Variants in EXOSC5 observed in about 807,000 individuals in gnomAD.
The protein encoded by EXOSC5 is exosome component 5, also known as exosome complex component RRP46.
Under a neutral mutation model 23.7 loss-of-function variants are expected in EXOSC5, and 15 were observed. The ratio of observed to expected loss-of-function variants is 0.63; its 90% confidence interval spans 0.42 to 0.97. The LOEUF (loss-of-function observed/expected upper bound fraction) is 0.97. EXOSC5 is among the 50% of genes least tolerant of loss of function. The pLI is 0.00. For missense variants in EXOSC5, 305 were observed against 316.3 expected, an observed-to-expected ratio of 0.96 and a Z score of 0.27; for synonymous variants, 143 against 140.9, an observed-to-expected ratio of 1.02 and a Z score of -0.11.
intron 4 of EXOSC5, 82 bp from the exon 5 acceptor site, chr19:41,387,685 C>G (rs1273243022): frequency 2.0e-6 from 2 of 1,009,884 alleles, no homozygotes; most frequent in Non-Finnish European, 1.4e-6. Flanking sequence ...TGGCCAGGCA[C>G]AGTGGCTCAT....
At chr19:41,389,943 T>C in intron 3 of EXOSC5, 38 bp from the exon 4 acceptor site, 1 of 1,560,388 alleles carries the variant, frequency 6.4e-7, no homozygotes. Flanking sequence ...TCTTTTTTTT[T>C]TTTTTGGAGA....
At chr19:41,396,432 A>G (rs1322703327) in intron 1 of EXOSC5, among the ~76,000 whole-genome samples, 2 of 151,830 alleles carry the variant, frequency 1.3e-5, no homozygotes, top group African/African-American at 4.8e-5. Flanking sequence ...CTGGTCTCGA[A>G]CTCCTGACCT....
At chr19:41,390,830 C>T (rs2039018034) in intron 3 of EXOSC5, among the ~76,000 whole-genome samples, 1 of 152,218 alleles carries the variant, frequency 6.6e-6, no homozygotes, top group African/African-American at 2.4e-5. Flanking sequence ...CTCTGGGCTT[C>T]ACTTTCCACT....
At position 41,386,856 on chromosome 19, in the gene EXOSC5, G is replaced by A. The variant is rs2038988849; in HGVS notation, c.616-131C>T. ...CATCACTCCCCTGCCCCCAAGTGAG[G>A]CAAGTGGTAAGGGATTATTTCCCAT... On this transcript the variant is annotated intron_variant, in intron 5 of 5. Coordinates refer to ENST00000221233, the MANE Select transcript of EXOSC5 (RefSeq NM_020158.4). The A allele has an allele frequency of 3.8e-5, 26 of 679,922 alleles. No homozygotes were observed. The South Asian group carries it at 4.6e-4, about 12-fold the overall frequency. The allele number at this position is 679,922 out of a possible 1,614,324, so 42.1% of individuals were successfully genotyped here. A position where few individuals can be genotyped will look rare whatever the true frequency, so the allele number is the denominator to read the frequency against.
rs148302120 is a variant in EXOSC5, at chr19:41,394,290, A to G, written c.149-1310T>C. ...CTACTTGGGAGGCCGACGCAGGAGA[A>G]TTGCTGGAACCGGGGAGGCGGAGGT... is the stretch of plus-strand genomic sequence containing the variant. On this transcript the variant is annotated intron_variant, in intron 1 of 5. Coordinates refer to ENST00000221233, the MANE Select transcript of EXOSC5 (RefSeq NM_020158.4). Among the ~76,000 whole-genome samples the G allele has an allele frequency of 5.2e-3, 785 of 152,090 alleles. 11 individuals are homozygous for G. The highest frequency in any genetic ancestry group is 0.018 in the African/African-American group (740 of 41,504).
chr19:41,389,337 C>T (rs1188593329), intron 4 of EXOSC5, among the ~76,000 whole-genome samples: 1 of 152,148 alleles, frequency 6.6e-6, no homozygotes, highest in Non-Finnish European at 1.5e-5. Flanking sequence ...GCGATCTCGG[C>T]TCACCACAAC....
rs1289007563 is a variant in EXOSC5, at chr19:41,387,393, T to C, written c.615+121A>G. ...CCACAAAGTTTGAAAACTCCCTTTT[T>C]ACAAGAAGAAATTTAAGAGGCTCTC... On this transcript the variant is annotated intron_variant, in intron 5 of 5. Transcript: ENST00000221233. The C allele has an allele frequency of 3.7e-6, 3 of 813,946 alleles. No individual in the cohort carries two copies. In the East Asian group the frequency reaches 9.4e-5, roughly 26 times the overall value. The allele number at this position is 813,946 out of a possible 1,614,324, so 50.4% of individuals were successfully genotyped here.
chr19:41,389,970 T>C, intron 3 of EXOSC5, 65 bp from the exon 4 acceptor site: 3 of 1,509,936 alleles, frequency 2.0e-6, no homozygotes, highest in South Asian at 1.3e-5. Flanking sequence ...TTCGCTCTTG[T>C]TGCCCAGGCT....
intron 4 of EXOSC5, 82 bp from the exon 5 acceptor site, chr19:41,387,685 C>T (rs1273243022): frequency 9.9e-7 from 1 of 1,009,996 alleles, no homozygotes; most frequent in African/African-American, 1.7e-5. Flanking sequence ...TGGCCAGGCA[C>T]AGTGGCTCAT....
rs1483660260 is a variant in EXOSC5, at chr19:41,391,837, A to T, written c.384+4T>A. 6.6e-7 allele frequency: 1 copy of T among 1,508,962 alleles called. No individual in the cohort carries two copies. The highest frequency in any genetic ancestry group is 2.7e-5 in the Admixed American group (1 of 37,706). 93.5% of individuals were successfully genotyped at this position (1,508,962 alleles called of 1,614,324 possible). ...TGGAGGAGGAGGCCTGGCAGAAAGG[A>T]TACAGAGCCGGCATCGCTGACAACC... On this transcript the variant is annotated splice_donor_region_variant and intron_variant, in intron 3 of 5. Coordinates refer to ENST00000221233, the MANE Select transcript of EXOSC5 (RefSeq NM_020158.4).
At chr19:41,391,214 A>AATT in intron 3 of EXOSC5, among the ~76,000 whole-genome samples, 1 of 152,216 alleles carries the variant, frequency 6.6e-6, no homozygotes, top group South Asian at 2.1e-4. Flanking sequence ...AAAATACAAA[A>AATT]ATTAGCCTGG....
In EXOSC5 at chr19:41,391,859, A is replaced by G. The variant is rs747858805; in HGVS notation, c.366T>C (p.Val122=). 2.2e-5 allele frequency: 34 copies of G among 1,528,010 alleles called. 1 individual carries two copies. In the South Asian group the frequency reaches 4.2e-4, roughly 19 times the overall value. The allele number at this position is 1,528,010 out of a possible 1,614,324, so 94.7% of individuals were successfully genotyped here. A position where few individuals can be genotyped will look rare whatever the true frequency, so the allele number is the denominator to read the frequency against. ...AGGATACAGAGCCGGCATCGCTGAC[A>G]ACCTGCAGCACCACGGTGATGGAGG... The part of the protein sequence containing the change: ...PRTSITVVLQ[V]VSDAGSLLAC... Residue 122 remains valine (V), a synonymous_variant, in exon 3 of 6, where the codon GTT becomes GTC. Transcript: ENST00000221233.
chr19:41,391,857 A>G lies in EXOSC5; in HGVS notation c.368T>C (p.Val123Ala), dbSNP rs201243873. Residue 123 changes from valine (V) to alanine (A), a missense_variant, in exon 3 of 6, where the codon GTC becomes GCC. Physicochemically the swap from Val to Ala is moderately conservative, Grantham distance 64. Coordinates refer to ENST00000221233, the MANE Select transcript of EXOSC5 (RefSeq NM_020158.4). ...RTSITVVLQV[V>A]SDAGSLLACC... is the part of the protein sequence containing the mutation. ...AAAGGATACAGAGCCGGCATCGCTG[A>G]CAACCTGCAGCACCACGGTGATGGA... 8 of 1,526,996 alleles carry G rather than the reference A, an allele frequency of 5.2e-6. No homozygotes were observed. Among genetic ancestry groups the G allele is most frequent in the East Asian group, 5.2e-5 (2 of 38,154 alleles). 94.6% of individuals were successfully genotyped at this position (1,526,996 alleles called of 1,614,324 possible).
At chr19:41,395,748 AG>A (rs1325871364) in intron 1 of EXOSC5, among the ~76,000 whole-genome samples, 4 of 152,142 alleles carry the variant, frequency 2.6e-5, no homozygotes, top group African/African-American at 9.7e-5. Context: ...TCAAGTTGGA[AG>A]GCCTAGGGCT....
At chr19:41,388,431 A>G (rs2039000241) in intron 4 of EXOSC5, among the ~76,000 whole-genome samples, 1 of 152,214 alleles carries the variant, frequency 6.6e-6, no homozygotes, top group Non-Finnish European at 1.5e-5. Flanking sequence ...GCTGTGTGAC[A>G]GCCATGGAGG....
intron 2 of EXOSC5, 62 bp from the exon 3 acceptor site, chr19:41,392,024 G>A (rs756515695): frequency 2.9e-5 from 45 of 1,536,926 alleles, no homozygotes; most frequent in African/African-American, 7.1e-5. Flanking sequence ...TCCTCCATAC[G>A]CCTCACCCAA....
chr19:41,386,746 G>A (rs774453258), intron 5 of EXOSC5, 21 bp from the exon 6 acceptor site: 18 of 1,558,534 alleles, frequency 1.2e-5, no homozygotes, highest in Admixed American at 1.9e-5. Flanking sequence ...GAGACTGGTC[G>A]GTGCTGGGGG....
Position 41,386,425 on chromosome 19 carries a change from T to C in EXOSC5, c.*208A>G, listed in dbSNP as rs1262756952. On this transcript the variant is annotated 3_prime_UTR_variant, in exon 6 of 6. Coordinates refer to ENST00000221233, the MANE Select transcript of EXOSC5 (RefSeq NM_020158.4). The stretch of plus-strand genomic sequence containing the variant: ...TCCATTCCATAAATGTGAGCTCCTT[T>C]GAATGTTATCCTTGCTGGGGGGATC... 1 of 543,092 alleles carries C rather than the reference T, an allele frequency of 1.8e-6. No individual in the cohort carries two copies. Among genetic ancestry groups the C allele is most frequent in the Non-Finnish European group, 3.3e-6 (1 of 304,210 alleles). The allele number at this position is 543,092 out of a possible 1,614,324, so 33.6% of individuals were successfully genotyped here.
At chr19:41,394,028 A>G (rs2039043814) in intron 1 of EXOSC5, among the ~76,000 whole-genome samples, 1 of 152,178 alleles carries the variant, frequency 6.6e-6, no homozygotes, top group Non-Finnish European at 1.5e-5. Context: ...ATCTGGAATG[A>G]ATCCTGATTC....
Sources: gnomAD v4.1 joint callset for allele counts (sites outside exome capture counted in the v4.1 genomes callset) on GRCh38, gnomAD v4.1.1 for gene constraint, MANE v1.5 for transcripts, NCBI Gene and HGNC (gene_info 2026-07-23, HGNC 2026-07-21) for gene names.